The following AK4 variants were observed in gnomAD, a reference collection of about 807,000 sequenced individuals.
AK4 encodes adenylate kinase 4, also known as adenylate kinase 4, mitochondrial.
AK4 carries 13 observed loss-of-function variants against 24.6 expected under a neutral mutation model. The observed-to-expected ratio is 0.53, with a 90% CI of 0.34 to 0.84. The LOEUF is 0.84. Among genes scored for constraint, AK4 ranks in the 40% least tolerant of loss-of-function variants. AK4 has a pLI of 0.01. For synonymous variants in AK4, 88 were observed against 107.0 expected (o/e 0.82, Z 1.10); for missense variants, 192 against 288.2 (o/e 0.67, Z 2.42).
chr1:65,150,569 G>A (rs1013730053), intron 1 of AK4, among the ~76,000 whole-genome samples: 5 of 152,142 alleles, frequency 3.3e-5, no homozygotes, highest in Non-Finnish European at 7.3e-5. Flanking sequence ...GAAGGTCTGA[G>A]AATCTTATAG....
Position 65,229,116 on chromosome 1 carries a change from C to T in AK4, c.*2939C>T, listed in dbSNP as rs1652557480. The T allele has an allele frequency of 6.6e-6, 1 of 152,146 alleles. No homozygotes were observed. The highest frequency in any genetic ancestry group is 2.4e-5 in the African/African-American group (1 of 41,418). The allele number at this position is 152,146 out of a possible 1,614,324, so 9.4% of individuals were successfully genotyped here. A position where few individuals can be genotyped will look rare whatever the true frequency, so the allele number is the denominator to read the frequency against. ...TTGCCCAGGCTTCTGCTGCTGGTGA[C>T]CAGTGTAGCCAGGACTCCAGCCCAG... is the stretch of plus-strand genomic sequence containing the variant. On this transcript the variant is annotated 3_prime_UTR_variant, in exon 5 of 5. Transcript: ENST00000327299.
At chr1:65,157,710 G>T (rs1419304234) in intron 1 of AK4, among the ~76,000 whole-genome samples, 3 of 152,014 alleles carry the variant, frequency 2.0e-5, no homozygotes, top group African/African-American at 7.3e-5. Context: ...GATCACTTGA[G>T]CCCAAGAGGT....
At chr1:65,196,009 G>C (rs988462946) in intron 2 of AK4, among the ~76,000 whole-genome samples, 2 of 152,034 alleles carry the variant, frequency 1.3e-5, no homozygotes, top group African/African-American at 4.8e-5. Flanking sequence ...CAAGTGATTT[G>C]GTTAGTATTT....
Position 65,226,095 on chromosome 1 carries a change from C to T in AK4, c.590C>T (p.Thr197Met), listed in dbSNP as rs1386521703. The T allele has an allele frequency of 5.6e-6, 9 of 1,611,568 alleles. No individual in the cohort carries two copies. The highest frequency in any genetic ancestry group is 4.5e-5 in the East Asian group (2 of 44,880). Reference protein sequence around the residue: ...SRGVLHQFSGTETNKIWPYVY... With the variant: ...SRGVLHQFSGMETNKIWPYVY... The stretch of plus-strand genomic sequence containing the variant: ...GGAGTGCTCCACCAATTTTCCGGAA[C>T]GGAGACGAACAAAATCTGGCCCTAC... Residue 197 changes from threonine to methionine, a missense_variant, in exon 5 of 5, where the codon ACG (threonine) becomes ATG (methionine). By Grantham distance (81) the Thr-to-Met change is moderately conservative (BLOSUM62 -1). Transcript: ENST00000327299.
intron 2 of AK4, among the ~76,000 whole-genome samples, chr1:65,207,789 A>T (rs770061557): frequency 6.6e-6 from 1 of 152,104 alleles, no homozygotes; most frequent in Non-Finnish European, 1.5e-5. Flanking sequence ...GTGAGAACAC[A>T]TGGTATTTGG....
At chr1:65,190,124 A>C (rs57008876) in intron 1 of AK4, among the ~76,000 whole-genome samples, 3,642 of 152,326 alleles carry the variant, frequency 0.024, 150 homozygotes, top group African/African-American at 0.083. Context: ...GCCTACCTCT[A>C]GGAATTATCC....
intron 1 of AK4, among the ~76,000 whole-genome samples, chr1:65,173,935 C>G (rs1650626235): frequency 1.3e-5 from 2 of 151,924 alleles, no homozygotes. Flanking sequence ...TAGAGTCTGG[C>G]ACAAGGAAGT....
chr1:65,178,264 T>A (rs1380962481), intron 1 of AK4, among the ~76,000 whole-genome samples: 2 of 152,194 alleles, frequency 1.3e-5, no homozygotes, highest in African/African-American at 4.8e-5. Context: ...GAGTGAAATG[T>A]CAGGTAAAGG....
intron 2 of AK4, among the ~76,000 whole-genome samples, chr1:65,211,330 G>T (rs1369903396): frequency 6.6e-6 from 1 of 152,238 alleles, no homozygotes; most frequent in African/African-American, 2.4e-5. Context: ...TCTGGTCTGT[G>T]CGTGTAGCAC....
chr1:65,189,680 C>CCG (rs1553124640), intron 1 of AK4, among the ~76,000 whole-genome samples: 2 of 151,846 alleles, frequency 1.3e-5, no homozygotes, highest in Non-Finnish European at 2.9e-5. Flanking sequence ...CACACACACC[C>CCG]CACACATTTA....
At chr1:65,171,522 G>A (rs981762005) in intron 1 of AK4, among the ~76,000 whole-genome samples, 2 of 151,702 alleles carry the variant, frequency 1.3e-5, no homozygotes, top group Non-Finnish European at 2.9e-5. Flanking sequence ...GGCCGGGCTG[G>A]TCTCAAACCC....
At chr1:65,185,348 T>C (rs1311546079) in intron 1 of AK4, among the ~76,000 whole-genome samples, 1 of 152,192 alleles carries the variant, frequency 6.6e-6, no homozygotes, top group Non-Finnish European at 1.5e-5. Context: ...TGGTCTTGGC[T>C]CTAGGAATAG....
intron 2 of AK4, among the ~76,000 whole-genome samples, chr1:65,192,577 A>G (rs767973587): frequency 3.3e-5 from 5 of 152,152 alleles, no homozygotes; most frequent in African/African-American, 4.8e-5. Flanking sequence ...ATTCTATCCT[A>G]TTAGCCCCCA....
chr1:65,171,469 G>A (rs1481819563), intron 1 of AK4, among the ~76,000 whole-genome samples: 3 of 151,498 alleles, frequency 2.0e-5, no homozygotes, highest in Admixed American at 1.3e-4. Flanking sequence ...CATCATGCCC[G>A]GCTAATTTTG....
At chr1:65,178,776 G>A (rs2101022260) in intron 1 of AK4, among the ~76,000 whole-genome samples, 1 of 152,316 alleles carries the variant, frequency 6.6e-6, no homozygotes, top group South Asian at 2.1e-4. Context: ...TAGATTGCGG[G>A]AGGGTAGGAA....
intron 1 of AK4, among the ~76,000 whole-genome samples, chr1:65,158,070 C>A (rs767421084): frequency 1.3e-5 from 2 of 152,168 alleles, no homozygotes; most frequent in Non-Finnish European, 2.9e-5. Context: ...GCATCCATCT[C>A]TAATGATATT....
chr1:65,222,151 G>A (rs564186433), intron 3 of AK4, among the ~76,000 whole-genome samples: 19 of 152,246 alleles, frequency 1.2e-4, no homozygotes, highest in Admixed American at 2.0e-4. Flanking sequence ...CAGGCATGAT[G>A]TTTACACAGT....
At position 65,231,088 on chromosome 1, in the gene AK4, G is replaced by A. The variant is rs1652630152; in HGVS notation, c.*4911G>A. ...AAGACTTCTTTTAATGTGGAAATGT[G>A]GTCTGGTAGTAAGTTATTTCTTTCC... is the stretch of plus-strand genomic sequence containing the variant. On this transcript the variant is annotated 3_prime_UTR_variant, in exon 5 of 5. Coordinates refer to ENST00000327299, the MANE Select transcript of AK4 (RefSeq NM_013410.4). The A allele has an allele frequency of 6.6e-6, 1 of 152,074 alleles. No individual in the cohort carries two copies. The highest frequency in any genetic ancestry group is 1.5e-5 in the Non-Finnish European group (1 of 68,018). The allele number at this position is 152,074 out of a possible 1,614,324, so 9.4% of individuals were successfully genotyped here.
At chr1:65,159,000 A>G (rs771527505) in intron 1 of AK4, among the ~76,000 whole-genome samples, 170 of 152,304 alleles carry the variant, frequency 1.1e-3, no homozygotes, top group Non-Finnish European at 1.9e-3. Context: ...TCTCACCTCT[A>G]AGTTCTGAGA....
Sources: allele counts gnomAD v4.1 joint callset (sites outside exome capture counted in the v4.1 genomes callset), GRCh38; gene constraint gnomAD v4.1.1; transcripts MANE v1.5; gene names NCBI Gene and HGNC (gene_info 2026-07-23, HGNC 2026-07-21).